The following KCNH7 variants were observed in gnomAD, a reference collection of about 807,000 sequenced individuals.
The protein encoded by KCNH7 is voltage-gated inwardly rectifying potassium channel KCNH7.
Under a neutral mutation model 120.8 loss-of-function variants are expected in KCNH7, and 49 were observed. The ratio of observed to expected loss-of-function variants is 0.41; its 90% confidence interval spans 0.32 to 0.51. The LOEUF is 0.51. Ranked by LOEUF, KCNH7 falls within the 20% of genes least tolerant of loss-of-function variation. The probability of loss-of-function intolerance (pLI) is 0.38; values close to 1 mark genes in which losing one functional copy is unlikely to be tolerated. For missense variants in KCNH7, 1,097 were observed against 1,446.6 expected (o/e 0.76, Z 3.92); for synonymous variants, 547 against 516.1 (o/e 1.06, Z -0.81).
At chr2:162,419,273 C>G (rs188962843) in intron 9 of KCNH7, among the ~76,000 whole-genome samples, 1 of 95,366 alleles carries the variant, frequency 1.0e-5, no homozygotes, top group South Asian at 2.9e-4. Context: ...ATGTCCCAGG[C>G]TAAAAAAAAA....
At chr2:162,573,746 ATGT>A (rs1472609845) in intron 2 of KCNH7, among the ~76,000 whole-genome samples, 1 of 152,024 alleles carries the variant, frequency 6.6e-6, no homozygotes, top group African/African-American at 2.4e-5. Context: ...TTTATCCAAC[ATGT>A]TGTTATGTTC....
chr2:162,727,255 T>C (rs1687563356), intron 2 of KCNH7, among the ~76,000 whole-genome samples: 1 of 152,222 alleles, frequency 6.6e-6, no homozygotes, highest in Non-Finnish European at 1.5e-5. Context: ...AATATGCTTA[T>C]ATAAAACAGT....
At chr2:162,413,501 C>A (rs550132436) in intron 9 of KCNH7, among the ~76,000 whole-genome samples, 1 of 151,962 alleles carries the variant, frequency 6.6e-6, no homozygotes, top group East Asian at 1.9e-4. Context: ...CAATTATACC[C>A]AATGATGTAA....
chr2:162,795,071 A>T (rs1260761468), intron 2 of KCNH7, among the ~76,000 whole-genome samples: 1 of 152,100 alleles, frequency 6.6e-6, no homozygotes, highest in East Asian at 1.9e-4. Context: ...TTTAAAATGA[A>T]TAAGTATCCA....
chr2:162,378,736 G>A (rs1686303169), intron 14 of KCNH7, among the ~76,000 whole-genome samples: 1 of 152,196 alleles, frequency 6.6e-6, no homozygotes, highest in East Asian at 1.9e-4. Context: ...GGTGATATCA[G>A]TATCATCGCA....
chr2:162,764,077 C>CCAAA (rs2105457024), intron 2 of KCNH7, among the ~76,000 whole-genome samples: 1 of 152,036 alleles, frequency 6.6e-6, no homozygotes, highest in East Asian at 1.9e-4. Flanking sequence ...AAATATTTGG[C>CCAAA]TTTTCTCTTG....
chr2:162,813,102 C>T (rs1246580157), intron 2 of KCNH7, among the ~76,000 whole-genome samples: 2 of 152,096 alleles, frequency 1.3e-5, no homozygotes, highest in Non-Finnish European at 2.9e-5. Context: ...AATATATTTG[C>T]ATGTTCAAAG....
chr2:162,399,608 C>T (rs2105443202), intron 10 of KCNH7, among the ~76,000 whole-genome samples: 1 of 151,952 alleles, frequency 6.6e-6, no homozygotes, highest in East Asian at 2.0e-4. Context: ...TTTTCTTTTG[C>T]ACCCAAACCA....
intron 2 of KCNH7, among the ~76,000 whole-genome samples, chr2:162,833,271 G>A (rs2105622006): frequency 7.5e-6 from 1 of 133,874 alleles, no homozygotes; most frequent in East Asian, 2.3e-4. Context: ...CTTAGTTGTG[G>A]GGGCTAACTA....
chr2:162,384,283 G>A (rs1357064924), intron 13 of KCNH7, among the ~76,000 whole-genome samples: 1 of 151,910 alleles, frequency 6.6e-6, no homozygotes, highest in Non-Finnish European at 1.5e-5. Context: ...TAGTGTGATT[G>A]CATTGGCCCT....
intron 3 of KCNH7, among the ~76,000 whole-genome samples, chr2:162,533,268 A>G (rs2105818230): frequency 6.6e-6 from 1 of 151,980 alleles, no homozygotes; most frequent in East Asian, 1.9e-4. Context: ...TACTTCAAGA[A>G]AGTATATTTA....
intron 2 of KCNH7, among the ~76,000 whole-genome samples, chr2:162,623,481 C>T (rs920697232): frequency 6.6e-6 from 1 of 152,088 alleles, no homozygotes; most frequent in African/African-American, 2.4e-5. Context: ...ACTCATTTGA[C>T]TGTAGAACTG....
At position 162,691,579 on chromosome 2, in the gene KCNH7, CTG is replaced by C. The variant is rs376748428; in HGVS notation, c.307+144956_307+144957del. ...TAACAATTTTATAGCTGTGGTCAGT[CTG>C]TTATTATAAATTCATGAGTATTATG... On this transcript the variant is annotated intron_variant, in intron 2 of 15. Transcript: ENST00000332142. 6.0e-4 allele frequency among the ~76,000 whole-genome samples: 92 copies of C among 152,174 alleles called. 1 individual carries two copies. The highest frequency in any genetic ancestry group is 2.2e-3 in the African/African-American group (91 of 41,514).
chr2:162,525,474 T>A (rs1483450044), intron 3 of KCNH7, among the ~76,000 whole-genome samples: 1 of 151,924 alleles, frequency 6.6e-6, no homozygotes, highest in African/African-American at 2.4e-5. Context: ...TGGACTGATT[T>A]CAGCCTCTTA....
chr2:162,425,196 A>G (rs1486326275), intron 8 of KCNH7, among the ~76,000 whole-genome samples: 2 of 152,126 alleles, frequency 1.3e-5, no homozygotes, highest in African/African-American at 4.8e-5. Flanking sequence ...CCAGTTACTG[A>G]GTACAGATCT....
chr2:162,440,918 A>G (rs746203864), intron 7 of KCNH7, among the ~76,000 whole-genome samples: 1 of 152,152 alleles, frequency 6.6e-6, no homozygotes, highest in Non-Finnish European at 1.5e-5. Flanking sequence ...TATTTTTTAA[A>G]TGATAATTTG....
chr2:162,541,883 C>T (rs1692316429), intron 2 of KCNH7, among the ~76,000 whole-genome samples: 1 of 152,028 alleles, frequency 6.6e-6, no homozygotes, highest in Admixed American at 6.6e-5. Context: ...TGGTGTGTTG[C>T]AGGCTAAGAG....
chr2:162,752,516 T>C (rs1688587330), intron 2 of KCNH7, among the ~76,000 whole-genome samples: 1 of 152,148 alleles, frequency 6.6e-6, no homozygotes, highest in African/African-American at 2.4e-5. Context: ...CTATGAATTA[T>C]ATTTTTCGGA....
At chr2:162,428,406 A>G (rs959930687) in intron 8 of KCNH7, among the ~76,000 whole-genome samples, 1 of 151,028 alleles carries the variant, frequency 6.6e-6, no homozygotes, top group African/African-American at 2.5e-5. Flanking sequence ...AATACTTTGT[A>G]TGATTTTAGC....
Sources: allele counts gnomAD v4.1 joint callset (sites outside exome capture counted in the v4.1 genomes callset), GRCh38; gene constraint gnomAD v4.1.1; transcripts MANE v1.5; gene names NCBI Gene and HGNC (gene_info 2026-07-23, HGNC 2026-07-21).